Variants in GBE1 observed in about 807,000 individuals in gnomAD.
The protein encoded by GBE1 is 1,4-alpha-glucan-branching enzyme.
In GBE1, 70 loss-of-function variants were observed where a neutral mutation model predicts 88.8. That is an observed-to-expected ratio of 0.79 (90% confidence interval 0.65 to 0.96). GBE1 has a LOEUF of 0.96. Among genes scored for constraint, GBE1 ranks in the 40% least tolerant of loss-of-function variants. The pLI is 0.00. For synonymous variants in GBE1, 284 were observed against 300.1 expected (o/e 0.95, Z 0.56); for missense variants, 872 against 871.0 (o/e 1.00, Z -0.01).
chr3:81,676,345 T>C (rs1470789344), intron 2 of GBE1, among the ~76,000 whole-genome samples: 4 of 152,106 alleles, frequency 2.6e-5, no homozygotes, highest in Non-Finnish European at 1.5e-5. Context: ...TAGTTTCTCT[T>C]GATAGAAACT....
At chr3:81,570,029 C>T (rs2106922303) in intron 12 of GBE1, among the ~76,000 whole-genome samples, 1 of 152,110 alleles carries the variant, frequency 6.6e-6, no homozygotes, top group East Asian at 1.9e-4. Flanking sequence ...AGGCTGGTCT[C>T]AAACTCCTGA....
rs1355840021 is a variant in GBE1 at position 81,586,186 on chromosome 3, A to G, written c.1241T>C (p.Val414Ala). ...CPDSITIAED[V>A]SGMPALCSPI... ...AGAGCACAGAGCTGGCATTCCTGAT[A>G]CATCCTACAACAAAGAACGTCGGTT... Residue 414 changes from valine to alanine, a missense_variant, in exon 10 of 16, where the codon GTA (valine) becomes GCA (alanine). Transcript: ENST00000429644. The G allele has an allele frequency of 6.3e-6, 10 of 1,592,874 alleles. No individual in the cohort carries two copies. The highest frequency in any genetic ancestry group is 8.6e-6 in the Non-Finnish European group (10 of 1,168,838).
intron 14 of GBE1, among the ~76,000 whole-genome samples, chr3:81,512,808 G>A (rs371192789): frequency 1.3e-5 from 2 of 151,646 alleles, no homozygotes; most frequent in African/African-American, 2.4e-5. Flanking sequence ...AAAAGTATTC[G>A]CATATTGTAA....
chr3:81,720,888 C>T (rs1024212430), intron 1 of GBE1, among the ~76,000 whole-genome samples: 7 of 144,148 alleles, frequency 4.9e-5, no homozygotes, highest in Non-Finnish European at 7.5e-5. Flanking sequence ...ATGATGAGTT[C>T]ATATCCTTTG....
chr3:81,753,905 C>T (rs1410478891), intron 1 of GBE1, among the ~76,000 whole-genome samples: 1 of 152,150 alleles, frequency 6.6e-6, no homozygotes, highest in African/African-American at 2.4e-5. Context: ...CCCCATTCCA[C>T]TGTGATATAA....
intron 1 of GBE1, among the ~76,000 whole-genome samples, chr3:81,753,213 C>A (rs1706556348): frequency 2.0e-5 from 3 of 152,136 alleles, no homozygotes; most frequent in African/African-American, 7.2e-5. Context: ...TGTCAAGGTA[C>A]CGGGTTCCTG....
intron 14 of GBE1, among the ~76,000 whole-genome samples, chr3:81,512,494 C>T (rs1372299625): frequency 6.6e-6 from 1 of 151,742 alleles, no homozygotes; most frequent in Non-Finnish European, 1.5e-5. Context: ...AACATTTAGT[C>T]AAAGGCATCA....
chr3:81,556,322 TA>T (rs201041796), intron 12 of GBE1, among the ~76,000 whole-genome samples: 10 of 147,820 alleles, frequency 6.8e-5, no homozygotes, highest in African/African-American at 7.4e-5. Flanking sequence ...ACCTAGAGAG[TA>T]AAAAAAAAAT....
intron 15 of GBE1, among the ~76,000 whole-genome samples, chr3:81,492,960 T>G (rs1383152700): frequency 6.6e-6 from 1 of 152,044 alleles, no homozygotes; most frequent in African/African-American, 2.4e-5. Flanking sequence ...ATGGTCTCAA[T>G]CTCTTGACCT....
At chr3:81,517,820 G>A (rs558071420) in intron 14 of GBE1, among the ~76,000 whole-genome samples, 23 of 151,374 alleles carry the variant, frequency 1.5e-4, no homozygotes, top group Admixed American at 1.5e-3. Context: ...ACCTTCAGGA[G>A]TTATTTCACC....
rs533409040 is a variant in GBE1, at chr3:81,636,694, C to A, written c.992+6087G>T. On this transcript the variant is annotated intron_variant, in intron 7 of 15. Transcript: ENST00000429644. ...TACAGGCATGCACCACCACACCCAG[C>A]TAATTTTGTATTTTTAGTAGAGACA... 7.2e-5 allele frequency among the ~76,000 whole-genome samples: 11 copies of A among 152,094 alleles called. No individual in the cohort carries two copies. The South Asian group carries it at 2.3e-3, about 32-fold the overall frequency.
chr3:81,696,469 GT>G (rs1705597005), intron 2 of GBE1, among the ~76,000 whole-genome samples: 1 of 152,178 alleles, frequency 6.6e-6, no homozygotes, highest in Non-Finnish European at 1.5e-5. Context: ...TAGTTTTGTT[GT>G]GATCACGATA....
chr3:81,618,193 T>C (rs190056870), intron 7 of GBE1, among the ~76,000 whole-genome samples: 8 of 152,218 alleles, frequency 5.3e-5, no homozygotes, highest in African/African-American at 1.4e-4. Flanking sequence ...TTTTCGTTCA[T>C]CTGAGAATGT....
chr3:81,655,876 T>A (rs1165020232), intron 3 of GBE1, among the ~76,000 whole-genome samples: 1 of 152,072 alleles, frequency 6.6e-6, no homozygotes, highest in Non-Finnish European at 1.5e-5. Context: ...TTAAAATGCA[T>A]AGATAGAATT....
intron 14 of GBE1, among the ~76,000 whole-genome samples, chr3:81,525,784 T>G (rs1354805378): frequency 1.3e-5 from 2 of 152,116 alleles, no homozygotes; most frequent in Non-Finnish European, 2.9e-5. Flanking sequence ...TCGAGGAATT[T>G]ATCCATTTCT....
intron 1 of GBE1, among the ~76,000 whole-genome samples, chr3:81,715,305 G>GATC (rs1169716414): frequency 7.2e-5 from 11 of 152,190 alleles, no homozygotes; most frequent in Non-Finnish European, 1.5e-4. Flanking sequence ...AACTGGGGAT[G>GATC]TGATGACCCA....
intron 15 of GBE1, among the ~76,000 whole-genome samples, chr3:81,498,101 T>C (rs557704312): frequency 6.6e-6 from 1 of 152,320 alleles, no homozygotes; most frequent in East Asian, 1.9e-4. Flanking sequence ...CACTGCACTT[T>C]CCTCACAACC....
At chr3:81,710,522 G>T (rs1011443318) in intron 1 of GBE1, among the ~76,000 whole-genome samples, 2 of 151,732 alleles carry the variant, frequency 1.3e-5, no homozygotes, top group African/African-American at 2.4e-5. Context: ...AATAGTCCAC[G>T]TTCAAATCCT....
intron 1 of GBE1, among the ~76,000 whole-genome samples, chr3:81,737,413 T>TTGTATAAATATATATTTATA (rs1706281405): frequency 6.1e-5 from 3 of 49,446 alleles, no homozygotes; most frequent in African/African-American, 1.7e-4. Flanking sequence ...TTTTATATAT[T>TTGTATAAATATATATTTATA]TATATAAATA....
Sources: gnomAD v4.1 joint callset for allele counts (sites outside exome capture counted in the v4.1 genomes callset) on GRCh38, gnomAD v4.1.1 for gene constraint, MANE v1.5 for transcripts, NCBI Gene and HGNC (gene_info 2026-07-23, HGNC 2026-07-21) for gene names.